TLN1: variants seen among roughly 807,000 people sequenced by gnomAD.
TLN1 encodes the protein talin-1.
Under a neutral mutation model 292.3 loss-of-function variants are expected in TLN1, and 56 were observed. The ratio of observed to expected loss-of-function variants is 0.19; its 90% CI spans 0.15 to 0.24. The LOEUF (loss-of-function observed/expected upper bound fraction) is 0.24, where lower values mean the gene tolerates loss of function less well. Among genes scored for constraint, TLN1 ranks in the 10% least tolerant of loss-of-function variants. The probability of loss-of-function intolerance (pLI) is 1.00; values close to 1 mark genes in which losing one functional copy is unlikely to be tolerated. For synonymous variants in TLN1, 1,119 were observed against 1,253.7 expected (o/e 0.89, Z 2.27); for missense variants, 2,433 against 3,248.2 (o/e 0.75, Z 6.10).
chr9:35,711,112 G>A, intron 30 of TLN1, 30 bp from the exon 31 acceptor site: 1 of 1,612,612 alleles, frequency 6.2e-7, no homozygotes, highest in African/African-American at 1.3e-5. Context: ...GAGTGAAAAG[G>A]TGAATAGGTC....
chr9:35,707,109 C>T lies in TLN1; in HGVS notation c.4918G>A (p.Val1640Ile). ...ATTAGCTTCTTGATGGAGTCTGAGA[C>T]AGTACGGGAGTGGCCGGCCAGCACC... ...WSVLAGHSRT[V>I]SDSIKKLITS... Residue 1640 changes from valine (V) to isoleucine (I), a missense_variant, in exon 37 of 57, where the codon GTC (valine) becomes ATC (isoleucine). Around this residue, in one of 7 missense-constraint regions of TLN1, gnomAD observed 1,384 missense variants for 1,699.6 expected, o/e 0.81. Transcript: ENST00000314888. The surrounding 1 kb of genome is among the most constrained non-coding windows in gnomAD (Gnocchi z 5.6). The T allele has an allele frequency of 1.9e-6, 3 of 1,612,976 alleles. No homozygotes were observed. Among genetic ancestry groups the T allele is most frequent in the African/African-American group, 1.3e-5 (1 of 74,972 alleles).
In TLN1 at chr9:35,712,176, C is replaced by T. The variant is rs570061627; in HGVS notation, c.3562-52G>A. ...CCCAAGTGAAAAGAATTTGAGAGATCGCCTCCATTCACGCGACATGGGAGA... is the reference window on the plus strand; with the variant it reads ...CCCAAGTGAAAAGAATTTGAGAGATTGCCTCCATTCACGCGACATGGGAGA... On this transcript the variant is annotated intron_variant, in intron 27 of 56. Transcript: ENST00000314888. 25 of 1,575,942 alleles carry T rather than the reference C, an allele frequency of 1.6e-5. No homozygotes were observed. In the East Asian group the frequency reaches 4.1e-4, roughly 26 times the overall value.
In TLN1 at chr9:35,713,304, G is replaced by A; in HGVS notation, c.3250-6C>T. On this transcript the variant is annotated splice_polypyrimidine_tract_variant and splice_region_variant and intron_variant, in intron 25 of 56. Coordinates refer to ENST00000314888, the MANE Select transcript of TLN1 (RefSeq NM_006289.4). The stretch of plus-strand genomic sequence containing the variant: ...TCCTGGGTACACTTCTCCATCTAAG[G>A]ATGAAGGGGGAAGAATTGGGCTTGA... 1 of 1,581,188 alleles carries A rather than the reference G, an allele frequency of 6.3e-7. No homozygotes were observed. Among genetic ancestry groups the A allele is most frequent in the Non-Finnish European group, 8.7e-7 (1 of 1,154,420 alleles).
At chr9:35,720,316 C>T (rs2131902979) in intron 12 of TLN1, 97 bp from the exon 13 acceptor site, 5 of 1,528,380 alleles carry the variant, frequency 3.3e-6, no homozygotes, top group Non-Finnish European at 3.6e-6. Flanking sequence ...GGTCTCACTA[C>T]AGCCTGCAAC....
chr9:35,704,006 C>T lies in TLN1; in HGVS notation c.6216G>A (p.Glu2072=), dbSNP rs1241669809. ...AGGTCACTACCTGGGTCTCAGGGTC[C>T]TCAGCTCCCAGGCTGGCTGCACCCA... ...VKLGAASLGA[E]DPETQVVLIN... Residue 2072 remains glutamate, a synonymous_variant, in exon 46 of 57, where the codon GAG becomes GAA. Transcript: ENST00000314888. The surrounding 1 kb of genome is among the most constrained non-coding windows in gnomAD (Gnocchi z 6.9). 4 of 1,612,988 alleles carry T rather than the reference C, an allele frequency of 2.5e-6. No homozygotes were observed. Among genetic ancestry groups the T allele is most frequent in the Non-Finnish European group, 3.4e-6 (4 of 1,179,210 alleles).
In TLN1 at chr9:35,698,922, C is replaced by T; in HGVS notation, c.7011G>A (p.Glu2337=). Residue 2337 remains glutamate, a synonymous_variant, in exon 53 of 57, where the codon GAG becomes GAA. Coordinates refer to ENST00000314888, the MANE Select transcript of TLN1 (RefSeq NM_006289.4). This position sits in a 1 kb window ranked among gnomAD's most constrained non-coding sequence, Gnocchi z 5.3. Reference sequence around the variant, plus strand: ...GTATCTGCTCCTCAAAGTTCAAGGACTCATCTGCCTCCTGCAATAAGCGAA... The same window carrying T: ...GTATCTGCTCCTCAAAGTTCAAGGATTCATCTGCCTCCTGCAATAAGCGAA... The part of the protein sequence containing the change: ...KPRAKPKEAD[E]SLNFEEQILE... 1 of 1,613,770 alleles carries T rather than the reference C, an allele frequency of 6.2e-7. No individual in the cohort carries two copies. The highest frequency in any genetic ancestry group is 8.5e-7 in the Non-Finnish European group (1 of 1,179,694).
At chr9:35,713,836 AAG>A (rs946905441) in intron 25 of TLN1, 115 bp downstream of exon 25, 6 of 1,107,556 alleles carry the variant, frequency 5.4e-6, no homozygotes, top group Middle Eastern at 3.1e-4. Flanking sequence ...AGAAAAATAA[AAG>A]AGAGAAAGAG....
Position 35,711,379 on chromosome 9 carries a change from C to T in TLN1, c.3895G>A (p.Ala1299Thr), listed in dbSNP as rs770469558. The T allele has an allele frequency of 1.9e-6, 3 of 1,614,196 alleles. No homozygotes were observed. The highest frequency in any genetic ancestry group is 2.5e-6 in the Non-Finnish European group (3 of 1,180,038). ...CCCTTCAAGTTGGACACAACTTGGG[C>T]TCGGTCCTCCTGGCTCTGTTGAAGG... ...AGQAPSQEDRAQVVSNLKGIS... is the reference protein window; with the variant it reads ...AGQAPSQEDRTQVVSNLKGIS... Residue 1299 changes from alanine to threonine, a missense_variant, in exon 30 of 57, where the codon GCC (alanine) becomes ACC (threonine). Physicochemically the swap from Ala to Thr is moderately conservative, Grantham distance 58. Transcript: ENST00000314888.
At position 35,714,594 on chromosome 9, in the gene TLN1, C is replaced by A. The variant is rs1354231934; in HGVS notation, c.2965G>T (p.Ala989Ser). The A allele has an allele frequency of 6.2e-6, 10 of 1,611,728 alleles. No homozygotes were observed. Among genetic ancestry groups the A allele is most frequent in the Non-Finnish European group, 6.8e-6 (8 of 1,180,006 alleles). ...CTTGCCTGCAGGAAGCTCTGGCTGGCAGCAATGAGGGCAAGCTGAGCGCTG... is the reference window on the plus strand; with the variant it reads ...CTTGCCTGCAGGAAGCTCTGGCTGGAAGCAATGAGGGCAAGCTGAGCGCTG... Reference protein sequence around the residue: ...SPSAQLALIAASQSFLQPGGK... With the variant: ...SPSAQLALIASSQSFLQPGGK... The change falls in exon 23 of 57, where the codon GCC becomes TCC. Residue 989 changes from alanine to serine, a missense_variant. Physicochemically the swap from Ala to Ser is moderately conservative, Grantham distance 99 (BLOSUM62 1). Transcript: ENST00000314888. This position sits in a 1 kb window ranked among gnomAD's most constrained non-coding sequence, Gnocchi z 4.6.
intron 27 of TLN1, among the ~76,000 whole-genome samples, chr9:35,712,597 G>C (rs1213723433): frequency 7.1e-6 from 1 of 141,448 alleles, no homozygotes; most frequent in Admixed American, 7.8e-5. Context: ...GCACTGAGCC[G>C]AAATTGCGCC....
rs1382430315 is a variant in TLN1 at position 35,707,015 on chromosome 9, C to T, written c.4955+57G>A. ...ATCTCATTGCACTCAAGTGCCCATC[C>T]TCCATTCTGCCACAATGTATGCCCC... On this transcript the variant is annotated intron_variant, in intron 37 of 56. Coordinates refer to ENST00000314888, the MANE Select transcript of TLN1 (RefSeq NM_006289.4). This position sits in a 1 kb window ranked among gnomAD's most constrained non-coding sequence, Gnocchi z 5.6. 6.2e-7 allele frequency: 1 copy of T among 1,608,448 alleles called. No homozygotes were observed. The highest frequency in any genetic ancestry group is 2.2e-5 in the East Asian group (1 of 44,858).
At chr9:35,700,682 T>C (rs1445155170) in intron 48 of TLN1, among the ~76,000 whole-genome samples, 2 of 152,092 alleles carry the variant, frequency 1.3e-5, no homozygotes, top group African/African-American at 2.4e-5. Context: ...TTTAGGTAAA[T>C]GGTAGGACAT....
In TLN1 at chr9:35,720,697, C is replaced by A. The variant is rs1238888983; in HGVS notation, c.1206+115G>T. 3.6e-6 allele frequency: 4 copies of A among 1,096,532 alleles called. No homozygotes were observed. In the East Asian group the frequency reaches 9.5e-5, roughly 26 times the overall value. The allele number at this position is 1,096,532 out of a possible 1,614,324, so 67.9% of individuals were successfully genotyped here. On this transcript the variant is annotated intron_variant, in intron 11 of 56. Transcript: ENST00000314888. ...CTGGAGTGCAGAGGCAAGATCTCGG[C>A]TCATTGCAACCTCCGCCTCCCAGGT...
intron 8 of TLN1, 72 bp downstream of exon 8, chr9:35,722,789 G>C: frequency 6.7e-7 from 1 of 1,496,562 alleles, no homozygotes; most frequent in Admixed American, 1.7e-5. Flanking sequence ...GAGGCAGGGG[G>C]CCATTTAGTC....
rs370400484 is a variant in TLN1 at position 35,704,744 on chromosome 9, G to A, written c.5805C>T (p.Gly1935=). 1.1e-4 allele frequency: 175 copies of A among 1,614,166 alleles called. No individual in the cohort carries two copies. Among genetic ancestry groups the A allele is most frequent in the Non-Finnish European group, 1.4e-4 (167 of 1,180,034 alleles). Residue 1935 remains glycine (G), a synonymous_variant, in exon 44 of 57, where the codon GGC becomes GGT. Coordinates refer to ENST00000314888, the MANE Select transcript of TLN1 (RefSeq NM_006289.4). The surrounding 1 kb of genome is among the most constrained non-coding windows in gnomAD (Gnocchi z 6.9). ...CATCACTGGGGCTGCACTGCAGGGC[G>A]CCTGCCTTGGTGACCAGAGCGGCAC... ...HGCAALVTKA[G]ALQCSPSDAY...
rs540247274 is a variant in TLN1, at chr9:35,709,521, T to A, written c.4327-1037A>T. 2.6e-5 allele frequency among the ~76,000 whole-genome samples: 4 copies of A among 152,274 alleles called. No homozygotes were observed. The South Asian group carries it at 8.3e-4, about 32-fold the overall frequency. On this transcript the variant is annotated intron_variant, in intron 33 of 56. Transcript: ENST00000314888. ...TACAGCTAATAGGTAGTTTTATACTTGATAATGTGGGAAAAGGCAAAGTTA... is the reference window on the plus strand; with the variant it reads ...TACAGCTAATAGGTAGTTTTATACTAGATAATGTGGGAAAAGGCAAAGTTA...
In TLN1 at chr9:35,717,351, C is replaced by T. The variant is rs758153950; in HGVS notation, c.2253G>A (p.Val751=). Residue 751 remains valine (V), a synonymous_variant, in exon 19 of 57, where the codon GTG becomes GTA. Transcript: ENST00000314888. This position sits in a 1 kb window ranked among gnomAD's most constrained non-coding sequence, Gnocchi z 4.7. ...RLVAKAVEGC[V]SASQAATEDG... is the part of the protein sequence containing the mutation. ...CCTCTGTAGCTGCCTGGGAGGCAGA[C>T]ACACAGCCCTCCACGGCTTTGGCTA... 2 of 1,614,176 alleles carry T rather than the reference C, an allele frequency of 1.2e-6. No homozygotes were observed. Among genetic ancestry groups the T allele is most frequent in the South Asian group, 1.1e-5 (1 of 91,090 alleles).
Position 35,714,449 on chromosome 9 carries a change from G to A in TLN1, c.2986-76C>T. ...TGGGTACAAGGACTGATGATGGTCA[G>A]GATGTAGGGAACACTGGGGCTTGGT... On this transcript the variant is annotated intron_variant, in intron 23 of 56. Transcript: ENST00000314888. This position sits in a 1 kb window ranked among gnomAD's most constrained non-coding sequence, Gnocchi z 4.6. 6.3e-7 allele frequency: 1 copy of A among 1,575,334 alleles called. No individual in the cohort carries two copies. The highest frequency in any genetic ancestry group is 8.6e-7 in the Non-Finnish European group (1 of 1,163,218).
rs771706924 is a variant in TLN1 at position 35,714,379 on chromosome 9, G to A, written c.2986-6C>T. ...GCCACCATCTTCCCACCTGGCTGTT[G>A]GGGAATAGGCAGGTGGATGAAGTGT... On this transcript the variant is annotated splice_region_variant and splice_polypyrimidine_tract_variant and intron_variant, in intron 23 of 56. Coordinates refer to ENST00000314888, the MANE Select transcript of TLN1 (RefSeq NM_006289.4). The surrounding 1 kb of genome is among the most constrained non-coding windows in gnomAD (Gnocchi z 4.6). 7 of 1,607,278 alleles carry A rather than the reference G, an allele frequency of 4.4e-6. No homozygotes were observed. Among genetic ancestry groups the A allele is most frequent in the African/African-American group, 1.3e-5 (1 of 74,858 alleles).
Sources: gnomAD v4.1 joint callset for allele counts (sites outside exome capture counted in the v4.1 genomes callset) on GRCh38, gnomAD v4.1.1 for gene constraint, gnomAD v4.1.1 regional missense constraint, Gnocchi (gnomAD v3.1) non-coding constraint, MANE v1.5 for transcripts, NCBI Gene and HGNC (gene_info 2026-07-23, HGNC 2026-07-21) for gene names.